CEP63: variants seen among roughly 807,000 people sequenced by gnomAD.
The protein encoded by CEP63 is centrosomal protein of 63 kDa.
CEP63 carries 84 observed loss-of-function variants against 89.1 expected under a neutral mutation model. The observed-to-expected ratio is 0.94, with a 90% CI of 0.79 to 1.13. The LOEUF (loss-of-function observed/expected upper bound fraction) is 1.13. Ranked by LOEUF, CEP63 falls within the 50% of genes most tolerant of loss-of-function variation. CEP63 has a pLI of 0.00. For synonymous variants in CEP63, 267 were observed against 272.5 expected (o/e 0.98, Z 0.20); for missense variants, 838 against 813.3 (o/e 1.03, Z -0.37).
downstream of CEP63, among the ~76,000 whole-genome samples, chr3:134,567,953 C>G (rs1173321112): frequency 6.6e-6 from 1 of 152,222 alleles, no homozygotes; most frequent in Non-Finnish European, 1.5e-5. Context: ...AAGTTCTGCC[C>G]TAAGACTGCT....
At chr3:134,647,429 A>G in the CEP63 span, 1 of 1,602,242 alleles carries the variant, frequency 6.2e-7, no homozygotes, top group Non-Finnish European at 8.5e-7. Flanking sequence ...GAAAAAGAGA[A>G]TTTACCGTGA....
chr3:134,586,830 A>G (rs1339168363), intron 10 of CEP63, among the ~76,000 whole-genome samples: 1 of 152,142 alleles, frequency 6.6e-6, no homozygotes, highest in African/African-American at 2.4e-5. Flanking sequence ...AGGTACACCA[A>G]TCAAACATAG....
At chr3:134,740,608 T>C in the CEP63 span, among the ~76,000 whole-genome samples, 1 of 152,194 alleles carries the variant, frequency 6.6e-6, no homozygotes, top group Admixed American at 6.5e-5. Flanking sequence ...CTTTCTCTTC[T>C]TTCCTGTCCT....
downstream of CEP63, among the ~76,000 whole-genome samples, chr3:134,590,919 C>T (rs76678618): frequency 4.1e-4 from 62 of 152,306 alleles, 1 homozygote; most frequent in East Asian, 8.9e-3. Context: ...TCATCCTGCT[C>T]ACTGCACAGC....
the CEP63 span, among the ~76,000 whole-genome samples, chr3:134,711,923 C>T: frequency 4.6e-5 from 7 of 152,038 alleles, no homozygotes; most frequent in Admixed American, 3.3e-4. Context: ...CCACCATGCC[C>T]GGCTAATTTT....
the CEP63 span, chr3:134,625,068 A>G: frequency 6.3e-7 from 1 of 1,599,514 alleles, no homozygotes. Context: ...AGGCGTAGAT[A>G]TCCAATTTCT....
At chr3:134,658,054 G>A in the CEP63 span, among the ~76,000 whole-genome samples, 2 of 151,980 alleles carry the variant, frequency 1.3e-5, no homozygotes, top group Admixed American at 6.6e-5. Flanking sequence ...GTGCCACCAC[G>A]CCCGGCTAAT....
the CEP63 span, among the ~76,000 whole-genome samples, chr3:134,707,628 C>A: frequency 1.3e-5 from 2 of 152,054 alleles, no homozygotes; most frequent in African/African-American, 4.8e-5. Flanking sequence ...TAGGCACAGA[C>A]TTGACTTTCA....
At chr3:134,704,972 A>G in the CEP63 span, among the ~76,000 whole-genome samples, 41 of 152,338 alleles carry the variant, frequency 2.7e-4, no homozygotes, top group Admixed American at 2.5e-3. Flanking sequence ...TCCAAGAACC[A>G]TAGGTCCCAA....
the CEP63 span, among the ~76,000 whole-genome samples, chr3:134,674,346 A>T: frequency 4.6e-5 from 7 of 152,248 alleles, no homozygotes; most frequent in African/African-American, 1.7e-4. Flanking sequence ...AAACCACATG[A>T]TCATCTTAAC....
At chr3:134,725,148 A>T in the CEP63 span, among the ~76,000 whole-genome samples, 1 of 152,078 alleles carries the variant, frequency 6.6e-6, no homozygotes, top group East Asian at 1.9e-4. Flanking sequence ...AAAATATATA[A>T]TTTTTCTGAA....
chr3:134,547,933 A>G (rs1340561676), intron 9 of CEP63, among the ~76,000 whole-genome samples: 2 of 152,152 alleles, frequency 1.3e-5, no homozygotes, highest in African/African-American at 4.8e-5. Context: ...CATTGAGAAG[A>G]CAGAAGCAAT....
chr3:134,548,836 C>T (rs557057269), intron 9 of CEP63, among the ~76,000 whole-genome samples: 20 of 152,196 alleles, frequency 1.3e-4, no homozygotes, highest in South Asian at 8.3e-4. Flanking sequence ...TGTACTCTTC[C>T]GTTTGACTAA....
At chr3:134,518,531 T>TAA (rs1946715238) in intron 3 of CEP63, among the ~76,000 whole-genome samples, 2 of 152,300 alleles carry the variant, frequency 1.3e-5, no homozygotes, top group South Asian at 4.1e-4. Flanking sequence ...AATACACTTC[T>TAA]AAATAACCCA....
the CEP63 span, among the ~76,000 whole-genome samples, chr3:134,697,807 A>G: frequency 2.3e-3 from 347 of 152,290 alleles, 2 homozygotes; most frequent in African/African-American, 7.2e-3. Context: ...TTTCCCAGTC[A>G]TTTTTGTAAA....
chr3:134,510,919 A>G (rs1215631634), intron 3 of CEP63: 1 of 193,618 alleles, frequency 5.2e-6, no homozygotes, highest in African/African-American at 2.4e-5. Flanking sequence ...GAGCCATCTC[A>G]GGAGGATGTC....
In CEP63 at chr3:134,546,227, AAGG is replaced by A. The variant is rs755395532; in HGVS notation, c.871_873del (p.Glu291del). 1.2e-6 allele frequency: 2 copies of A among 1,613,910 alleles called. No homozygotes were observed. Among genetic ancestry groups the A allele is most frequent in the South Asian group, 1.1e-5 (1 of 91,076 alleles). ...TCTCATACATGAGGCCAGAATACAA[AAGG>A]AGAAGTTACAAGAAAAAGTAAAGGC... On this transcript the variant is annotated inframe_deletion, in exon 8 of 15. Transcript: ENST00000675561.
chr3:134,741,349 G>A, the CEP63 span, among the ~76,000 whole-genome samples: 29 of 152,278 alleles, frequency 1.9e-4, no homozygotes, highest in African/African-American at 4.3e-4. Context: ...CTGAAGAGCC[G>A]AGGCCCCCTC....
chr3:134,696,441 C>T, the CEP63 span, among the ~76,000 whole-genome samples: 1 of 152,224 alleles, frequency 6.6e-6, no homozygotes, highest in South Asian at 2.1e-4. Context: ...TGTTGTACTT[C>T]TGGACAAGAC....
Sources: gnomAD v4.1 joint callset for allele counts (sites outside exome capture counted in the v4.1 genomes callset) on GRCh38, gnomAD v4.1.1 for gene constraint, MANE v1.5 for transcripts, NCBI Gene and HGNC (gene_info 2026-07-23, HGNC 2026-07-21) for gene names.